TMEM132D: variants seen among roughly 807,000 people sequenced by gnomAD.
TMEM132D encodes transmembrane protein 132D.
In TMEM132D, 21 loss-of-function variants were observed where a neutral mutation model predicts 62.3. The ratio of observed to expected loss-of-function variants is 0.34; its 90% CI spans 0.24 to 0.49. The LOEUF is 0.49. TMEM132D is among the 20% of genes least tolerant of loss of function. TMEM132D has a pLI of 0.99. For synonymous variants in TMEM132D, 621 were observed against 575.6 expected (o/e 1.08, Z -1.13); for missense variants, 1,346 against 1,402.8 (o/e 0.96, Z 0.65).
chr12:129,571,273 T>G (rs150484726), intron 2 of TMEM132D, among the ~76,000 whole-genome samples: 2 of 152,038 alleles, frequency 1.3e-5, no homozygotes, highest in African/African-American at 4.8e-5. Flanking sequence ...AAGTGTTAGT[T>G]TGAAATTTAA....
At chr12:129,805,477 C>A (rs1365352898) in intron 1 of TMEM132D, among the ~76,000 whole-genome samples, 1 of 152,104 alleles carries the variant, frequency 6.6e-6, no homozygotes, top group African/African-American at 2.4e-5. Flanking sequence ...GCTGGGAAAA[C>A]CTGCTAGCCA....
intron 4 of TMEM132D, among the ~76,000 whole-genome samples, chr12:129,284,061 T>C (rs1008854685): frequency 6.6e-6 from 1 of 152,276 alleles, no homozygotes; most frequent in Non-Finnish European, 1.5e-5. Context: ...GGCTCTCCTG[T>C]GCAGCCTTGG....
chr12:129,345,849 T>C (rs570441696), intron 3 of TMEM132D, among the ~76,000 whole-genome samples: 2 of 152,322 alleles, frequency 1.3e-5, no homozygotes, highest in East Asian at 3.9e-4. Context: ...CAGTATTTTA[T>C]TGAGGATTTT....
chr12:129,183,608 T>G (rs1223352283), intron 5 of TMEM132D, among the ~76,000 whole-genome samples: 1 of 152,260 alleles, frequency 6.6e-6, no homozygotes, highest in Non-Finnish European at 1.5e-5. Flanking sequence ...TTAACATGCA[T>G]TTGTTGCGGC....
intron 1 of TMEM132D, among the ~76,000 whole-genome samples, chr12:129,723,634 C>G: frequency 6.6e-6 from 1 of 152,220 alleles, no homozygotes; most frequent in East Asian, 1.9e-4. Flanking sequence ...TGATGCAGCT[C>G]CCTGACCTTG....
intron 2 of TMEM132D, among the ~76,000 whole-genome samples, chr12:129,692,533 G>A (rs1881085886): frequency 6.6e-6 from 1 of 152,168 alleles, no homozygotes; most frequent in African/African-American, 2.4e-5. Context: ...AAAGATATAT[G>A]CATGCATATG....
At chr12:129,675,829 G>A (rs776219615) in intron 2 of TMEM132D, among the ~76,000 whole-genome samples, 1 of 152,142 alleles carries the variant, frequency 6.6e-6, no homozygotes, top group African/African-American at 2.4e-5. Flanking sequence ...GTGGTGCCGA[G>A]GTTGAGAAGC....
At chr12:129,432,135 A>T (rs1384294535) in intron 3 of TMEM132D, among the ~76,000 whole-genome samples, 1 of 145,536 alleles carries the variant, frequency 6.9e-6, no homozygotes, top group South Asian at 2.2e-4. Context: ...GGATGGATGG[A>T]TGGATGGATG....
rs1875462638 is a variant in TMEM132D, at chr12:129,903,896, G to GGGGCTC, written c.-563_-558dup. On this transcript the variant is annotated 5_prime_UTR_variant, in exon 1 of 9. Transcript: ENST00000422113. This position sits in a 1 kb window ranked among gnomAD's most constrained non-coding sequence, Gnocchi z 6.2. ...CATCCCAGGCCGGCCGCTGCGCCTC[G>GGGGCTC]GGGCTCGGGCGCGCGCGCGCTCCGG... Among the ~76,000 whole-genome samples the GGGGCTC allele has an allele frequency of 6.8e-6, 1 of 147,112 alleles. No homozygotes were observed. The highest frequency in any genetic ancestry group is 1.5e-5 in the Non-Finnish European group (1 of 66,122).
intron 5 of TMEM132D, among the ~76,000 whole-genome samples, chr12:129,203,836 A>G (rs1878771840): frequency 6.6e-6 from 1 of 152,240 alleles, no homozygotes; most frequent in Non-Finnish European, 1.5e-5. Context: ...TTGTCTGCCA[A>G]TTGTGGCTCC....
intron 4 of TMEM132D, among the ~76,000 whole-genome samples, chr12:129,242,748 A>T (rs1221266892): frequency 8.4e-6 from 1 of 119,050 alleles, no homozygotes; most frequent in Non-Finnish European, 1.9e-5. Flanking sequence ...CTTTTTTAAG[A>T]AGTTACGCAC....
intron 4 of TMEM132D, among the ~76,000 whole-genome samples, chr12:129,265,636 G>T (rs1213760750): frequency 6.6e-6 from 1 of 151,926 alleles, no homozygotes; most frequent in African/African-American, 2.4e-5. Flanking sequence ...CTCCCCTCAT[G>T]TCTTTCAACT....
intron 1 of TMEM132D, among the ~76,000 whole-genome samples, chr12:129,747,485 T>C (rs1869837968): frequency 7.9e-6 from 1 of 127,206 alleles, no homozygotes; most frequent in South Asian, 2.7e-4. Flanking sequence ...CACTCTCAGA[T>C]ACCCTCTCAC....
intron 4 of TMEM132D, chr12:129,212,610 T>C (rs1187844910): frequency 6.6e-6 from 1 of 152,248 alleles, no homozygotes; most frequent in Non-Finnish European, 1.5e-5. Flanking sequence ...GTGGTCACCT[T>C]ATCACAGCAC....
At chr12:129,822,894 C>T (rs1029886567) in intron 1 of TMEM132D, among the ~76,000 whole-genome samples, 1 of 152,198 alleles carries the variant, frequency 6.6e-6, no homozygotes, top group Non-Finnish European at 1.5e-5. Flanking sequence ...GAGATTCACA[C>T]TGACATGGTT....
At chr12:129,099,031 T>C (rs973951832) in intron 5 of TMEM132D, among the ~76,000 whole-genome samples, 6 of 152,186 alleles carry the variant, frequency 3.9e-5, no homozygotes, top group Admixed American at 2.6e-4. Context: ...TGAATTCATA[T>C]TGCAGGAAGA....
chr12:129,534,160 TA>T (rs1876311858), intron 2 of TMEM132D, among the ~76,000 whole-genome samples: 2 of 152,238 alleles, frequency 1.3e-5, no homozygotes, highest in African/African-American at 4.8e-5. Context: ...GGAAGTTTTA[TA>T]ACCTACTTGT....
intron 2 of TMEM132D, among the ~76,000 whole-genome samples, chr12:129,610,980 C>A (rs745744617): frequency 6.6e-6 from 1 of 152,148 alleles, no homozygotes; most frequent in Non-Finnish European, 1.5e-5. Context: ...TCAGGCAGAA[C>A]CATAATATTC....
intron 1 of TMEM132D, among the ~76,000 whole-genome samples, chr12:129,702,307 C>T (rs1315441396): frequency 1.3e-5 from 2 of 152,030 alleles, no homozygotes; most frequent in Admixed American, 6.5e-5. Flanking sequence ...TAGGGTTCAA[C>T]GTCATAAATA....
Sources: gnomAD v4.1 joint callset for allele counts (sites outside exome capture counted in the v4.1 genomes callset) on GRCh38, gnomAD v4.1.1 for gene constraint, Gnocchi (gnomAD v3.1) non-coding constraint, MANE v1.5 for transcripts, NCBI Gene and HGNC (gene_info 2026-07-23, HGNC 2026-07-21) for gene names.